Variants in NCBP3 observed in about 807,000 individuals in gnomAD.
NCBP3 encodes nuclear cap-binding protein subunit 3.
Under a neutral mutation model 75.7 loss-of-function variants are expected in NCBP3, and 20 were observed. The ratio of observed to expected loss-of-function variants is 0.26; its 90% confidence interval spans 0.19 to 0.38. The LOEUF is 0.38. Among genes scored for constraint, NCBP3 ranks in the 10% least tolerant of loss-of-function variants. The pLI, the probability that NCBP3 is intolerant of heterozygous loss-of-function variation, is 1.00. For synonymous variants in NCBP3, 293 were observed against 290.5 expected, an observed-to-expected ratio of 1.01 and a Z score of -0.09; for missense variants, 678 against 796.9, an observed-to-expected ratio of 0.85 and a Z score of 1.80.
rs1440605226 is a variant in NCBP3 at position 3,802,698 on chromosome 17, C to G, written c.*10346G>C. Reference sequence around the variant, plus strand: ...GCTCCAAGGGCACTGGGGAGAGTCACAGTGGTCTCCTCTCCCCCGCATTGG... The same window carrying G: ...GCTCCAAGGGCACTGGGGAGAGTCAGAGTGGTCTCCTCTCCCCCGCATTGG... On this transcript the variant is annotated 3_prime_UTR_variant, in exon 13 of 13. Coordinates refer to ENST00000389005, the MANE Select transcript of NCBP3 (RefSeq NM_001114118.3). 6.6e-6 allele frequency: 1 copy of G among 152,286 alleles called. No homozygotes were observed. The highest frequency in any genetic ancestry group is 2.4e-5 in the African/African-American group (1 of 41,466). 9.4% of individuals were successfully genotyped at this position (152,286 alleles called of 1,614,324 possible). A position where few individuals can be genotyped will look rare whatever the true frequency, so the allele number is the denominator to read the frequency against.
rs1425439424 is a variant in NCBP3 at position 3,803,623 on chromosome 17, AGAG to A, written c.*9418_*9420del. On this transcript the variant is annotated 3_prime_UTR_variant, in exon 13 of 13. Coordinates refer to ENST00000389005, the MANE Select transcript of NCBP3 (RefSeq NM_001114118.3). Reference sequence around the variant, plus strand: ...TAGGAAGAAACAGGGGTGAGGGAGAAGAGGAGGGAACGAATGAAAGAGAAAATG... The same window carrying A: ...TAGGAAGAAACAGGGGTGAGGGAGAAGAGGGAACGAATGAAAGAGAAAATG... 5 of 152,264 alleles carry A rather than the reference AGAG, an allele frequency of 3.3e-5. No individual in the cohort carries two copies. The highest frequency in any genetic ancestry group is 1.2e-4 in the African/African-American group (5 of 41,460). 9.4% of individuals were successfully genotyped at this position (152,264 alleles called of 1,614,324 possible).
chr17:3,831,696 C>T (rs1331118958), intron 3 of NCBP3, among the ~76,000 whole-genome samples: 2 of 121,990 alleles, frequency 1.6e-5, no homozygotes, highest in African/African-American at 5.0e-5. Context: ...GCCCACAGTA[C>T]CTCTCCACAT....
At chr17:3,813,818 C>G (rs1460317878) in intron 12 of NCBP3, among the ~76,000 whole-genome samples, 4 of 152,086 alleles carry the variant, frequency 2.6e-5, no homozygotes, top group Non-Finnish European at 5.9e-5. Context: ...CGCCCACCAC[C>G]ACGCCCGGCT....
At chr17:3,814,062 T>C (rs989718507) in intron 12 of NCBP3, among the ~76,000 whole-genome samples, 1 of 152,224 alleles carries the variant, frequency 6.6e-6, no homozygotes, top group Non-Finnish European at 1.5e-5. Context: ...AAGACCAGAA[T>C]AGCTCACATG....
rs373140468 is a variant in NCBP3 at position 3,818,514 on chromosome 17, T to C, written c.1059A>G (p.Glu353=). The stretch of plus-strand genomic sequence containing the variant: ...CCTGGTCTTCTTCTTCCTCTTCCTC[T>C]TCCTCCTCCTCCTCCTCTTCCTCCT... ...IEEEEEEEEE[E]EEEEEEDQDM... Residue 353 remains glutamate, a synonymous_variant, in exon 10 of 13, where the codon GAA becomes GAG. Coordinates refer to ENST00000389005, the MANE Select transcript of NCBP3 (RefSeq NM_001114118.3). This position sits in a 1 kb window ranked among gnomAD's most constrained non-coding sequence, Gnocchi z 4.7. 8.7e-6 allele frequency: 14 copies of C among 1,610,502 alleles called. No homozygotes were observed. The highest frequency in any genetic ancestry group is 2.2e-5 in the East Asian group (1 of 44,830).
Position 3,804,907 on chromosome 17 carries a change from G to C in NCBP3, c.*8137C>G, listed in dbSNP as rs1567573437. ...ACTCCAAACAGGCCTGTTTCCTCCA[G>C]AATCAGGACTCTGAACCACCACAAA... On this transcript the variant is annotated 3_prime_UTR_variant, in exon 13 of 13. Coordinates refer to ENST00000389005, the MANE Select transcript of NCBP3 (RefSeq NM_001114118.3). 1 of 152,228 alleles carries C rather than the reference G, an allele frequency of 6.6e-6. No homozygotes were observed. Among genetic ancestry groups the C allele is most frequent in the African/African-American group, 2.4e-5 (1 of 41,454 alleles). The allele number at this position is 152,228 out of a possible 1,614,324, so 9.4% of individuals were successfully genotyped here.
In NCBP3 at chr17:3,818,648, ACCTTTTTAAAAGGTG is replaced by A; in HGVS notation, c.1001-91_1001-77del. ...TATGATTTTCTACTCTACATCGGTG[ACCTTTTTAAAAGGTG>A]GGGTTCCCATCCCTGACATTTTATT... On this transcript the variant is annotated intron_variant, in intron 9 of 12. Transcript: ENST00000389005. The surrounding 1 kb of genome is among the most constrained non-coding windows in gnomAD (Gnocchi z 4.7). 1 of 1,488,770 alleles carries A rather than the reference ACCTTTTTAAAAGGTG, an allele frequency of 6.7e-7. No homozygotes were observed. The highest frequency in any genetic ancestry group is 2.2e-5 in the Admixed American group (1 of 46,048). 92.2% of individuals were successfully genotyped at this position (1,488,770 alleles called of 1,614,324 possible). A position where few individuals can be genotyped will look rare whatever the true frequency, so the allele number is the denominator to read the frequency against.
rs1394815831 is a variant in NCBP3 at position 3,829,296 on chromosome 17, G to A, written c.428C>T (p.Ser143Phe). ...AGCTGGAGGATATTCTTTAAAATAG[G>A]AAAAGACATCTTGGGTGCTCATCTC... ...VDEMSTQDVF[S>F]YFKEYPPAHI... Residue 143 changes from serine to phenylalanine, a missense_variant, in exon 4 of 13, where the codon TCC (serine) becomes TTC (phenylalanine). Around this residue, in one of 7 missense-constraint regions of NCBP3, gnomAD observed 15 missense variants for 45.5 expected, o/e 0.33. Transcript: ENST00000389005. 6.4e-7 allele frequency: 1 copy of A among 1,551,642 alleles called. No homozygotes were observed. The highest frequency in any genetic ancestry group is 8.7e-7 in the Non-Finnish European group (1 of 1,146,954).
Position 3,832,477 on chromosome 17 carries a change from AAC to A in NCBP3, c.356-3111_356-3110del, listed in dbSNP as rs1291340938. On this transcript the variant is annotated intron_variant, in intron 3 of 12. Transcript: ENST00000389005. ...AACCCCGTCTCTACTAAAAATACAA[AAC>A]AATTAGCCAGGTGTGGTGGCAGGCA... 1.6e-4 allele frequency among the ~76,000 whole-genome samples: 18 copies of A among 111,148 alleles called. 3 individuals carry two copies. Among genetic ancestry groups the A allele is most frequent in the African/African-American group, 1.9e-4 (7 of 37,658 alleles). The allele number at this position is 111,148 out of a possible 152,430, so 72.9% of individuals were successfully genotyped here.
chr17:3,812,721 T>A lies in NCBP3; in HGVS notation c.*323A>T. The A allele has an allele frequency of 1.7e-6, 2 of 1,156,974 alleles. No homozygotes were observed. The highest frequency in any genetic ancestry group is 1.2e-4 in the East Asian group (2 of 16,466). 71.7% of individuals were successfully genotyped at this position (1,156,974 alleles called of 1,614,324 possible). On this transcript the variant is annotated 3_prime_UTR_variant, in exon 13 of 13. Coordinates refer to ENST00000389005, the MANE Select transcript of NCBP3 (RefSeq NM_001114118.3). ...TCTTTGGATGAACTGTGTAAAACAT[T>A]TCTTTTAAAAGACACAATGTTAAAA...
intron 1 of NCBP3, among the ~76,000 whole-genome samples, chr17:3,843,890 C>T (rs1376906262): frequency 2.0e-5 from 3 of 152,148 alleles, no homozygotes; most frequent in African/African-American, 7.2e-5. Context: ...CCCTTCCCCA[C>T]CCCTGACAAC....
intron 12 of NCBP3, 90 bp downstream of exon 12, chr17:3,814,232 G>T: frequency 7.3e-7 from 1 of 1,366,994 alleles, no homozygotes; most frequent in Non-Finnish European, 1.0e-6. Context: ...GCTGTTTCTT[G>T]CCTTCTGCTA....
At chr17:3,816,441 T>C (rs1428186038) in intron 10 of NCBP3, among the ~76,000 whole-genome samples, 171 bp from the exon 11 acceptor site, 4 of 152,244 alleles carry the variant, frequency 2.6e-5, no homozygotes, top group Non-Finnish European at 5.9e-5. Context: ...GAAACCATGA[T>C]CTGCCTGCTC....
rs780015051 is a variant in NCBP3, at chr17:3,816,198, C to T, written c.1383G>A (p.Glu461=). The T allele has an allele frequency of 9.9e-6, 16 of 1,614,160 alleles. No homozygotes were observed. The highest frequency in any genetic ancestry group is 9.3e-6 in the Non-Finnish European group (11 of 1,180,030). ...ATAGATGTCGGACATCTGCAAATTTCTCAGGTGGTAATTTGTTACCAATTC... is the reference window on the plus strand; with the variant it reads ...ATAGATGTCGGACATCTGCAAATTTTTCAGGTGGTAATTTGTTACCAATTC... ...KNRIGNKLPP[E]KFADVRHLLD... Residue 461 remains glutamate (E), a synonymous_variant, in exon 11 of 13, where the codon GAG becomes GAA. Transcript: ENST00000389005.
At chr17:3,826,695 A>AGAAAGAAGGAAGGAAG (rs2053791035) in intron 4 of NCBP3, among the ~76,000 whole-genome samples, 2 of 145,976 alleles carry the variant, frequency 1.4e-5, no homozygotes, top group African/African-American at 5.3e-5. Context: ...AGACAGAAAG[A>AGAAAGAAGGAAGGAAG]GAAGGAAGGA....
At chr17:3,840,291 C>T in intron 2 of NCBP3, 86 bp from the exon 3 acceptor site, 1 of 1,072,686 alleles carries the variant, frequency 9.3e-7, no homozygotes, top group Non-Finnish European at 1.4e-6. Flanking sequence ...CAGTGACAAA[C>T]CTGAACTAAA....
At chr17:3,829,160 G>T in intron 4 of NCBP3, 83 bp downstream of exon 4, 1 of 1,465,292 alleles carries the variant, frequency 6.8e-7, no homozygotes. Flanking sequence ...GTATGGGCCA[G>T]AACCATTCAC....
chr17:3,839,977 T>C lies in NCBP3; in HGVS notation c.355+123A>G, dbSNP rs574690660. 870 of 689,076 alleles carry C rather than the reference T, an allele frequency of 1.3e-3. 15 individuals are homozygous for C. The South Asian group carries it at 0.015, about 12-fold the overall frequency. The allele number at this position is 689,076 out of a possible 1,614,324, so 42.7% of individuals were successfully genotyped here. Reference sequence around the variant, plus strand: ...CAGAAATGGAGACTTCACAGGTCCCTTCTCACAAGAGTGCTTGGATAAGGA... The same window carrying C: ...CAGAAATGGAGACTTCACAGGTCCCCTCTCACAAGAGTGCTTGGATAAGGA... On this transcript the variant is annotated intron_variant, in intron 3 of 12. Transcript: ENST00000389005.
At chr17:3,825,162 T>C in intron 6 of NCBP3, 112 bp from the exon 7 acceptor site, 3 of 564,300 alleles carry the variant, frequency 5.3e-6, no homozygotes, top group East Asian at 6.2e-5. Context: ...ACAAGCATTA[T>C]AGCACTAGTT....
Sources: gnomAD v4.1 joint callset for allele counts (sites outside exome capture counted in the v4.1 genomes callset) on GRCh38, gnomAD v4.1.1 for gene constraint, gnomAD v4.1.1 regional missense constraint, Gnocchi (gnomAD v3.1) non-coding constraint, MANE v1.5 for transcripts, NCBI Gene and HGNC (gene_info 2026-07-23, HGNC 2026-07-21) for gene names.